SLIT3: variants seen among roughly 807,000 people sequenced by gnomAD.
SLIT3 encodes the protein slit guidance ligand 3, also known as slit homolog 3 protein.
In SLIT3, 68 loss-of-function variants were observed where a neutral mutation model predicts 184.0. The ratio of observed to expected loss-of-function variants is 0.37; its 90% CI spans 0.30 to 0.45. SLIT3 has a LOEUF of 0.45. Ranked by LOEUF, SLIT3 falls within the 20% of genes least tolerant of loss-of-function variation. The pLI is 1.00. For synonymous variants in SLIT3, 831 were observed against 828.6 expected, an observed-to-expected ratio of 1.00 and a Z score of -0.05; for missense variants, 1,707 against 2,026.0, an observed-to-expected ratio of 0.84 and a Z score of 3.02.
intron 9 of SLIT3, among the ~76,000 whole-genome samples, chr5:168,800,942 A>G (rs1328365274): frequency 7.4e-6 from 1 of 135,102 alleles, no homozygotes; most frequent in African/African-American, 2.7e-5. Context: ...TCTTTTTAGT[A>G]GCTTCCAAAC....
chr5:168,877,445 G>T (rs1001959175), intron 5 of SLIT3, among the ~76,000 whole-genome samples: 2 of 152,210 alleles, frequency 1.3e-5, no homozygotes, highest in Non-Finnish European at 2.9e-5. Flanking sequence ...TTCACGTACA[G>T]CCTTGCAGGA....
chr5:169,298,540 G>A (rs1166103180), intron 1 of SLIT3, among the ~76,000 whole-genome samples: 1 of 152,176 alleles, frequency 6.6e-6, no homozygotes, highest in African/African-American at 2.4e-5. Flanking sequence ...ACCCCAAGCA[G>A]CAGACCTAAC....
At chr5:169,042,481 T>G (rs1168365318) in intron 4 of SLIT3, among the ~76,000 whole-genome samples, 1 of 152,226 alleles carries the variant, frequency 6.6e-6, no homozygotes, top group Non-Finnish European at 1.5e-5. Flanking sequence ...TTCTATCAAA[T>G]CCGGTGCCCC....
chr5:168,798,220 C>CTTTTTTT lies in SLIT3; in HGVS notation c.936-2643_936-2642insAAAAAAA, dbSNP rs575178855. ...CTTTTGGTTTTCTTTTCTTCTTCTT[C>CTTTTTTT]TTCTTTTTTTTTTTTTTTTAAGAGA... is the stretch of plus-strand genomic sequence containing the variant. On this transcript the variant is annotated intron_variant, in intron 9 of 35. Transcript: ENST00000519560. Among the ~76,000 whole-genome samples, 139 of 112,248 alleles carry CTTTTTTT rather than the reference C, an allele frequency of 1.2e-3. 12 individuals carry two copies. Among genetic ancestry groups the CTTTTTTT allele is most frequent in the African/African-American group, 4.7e-3 (114 of 24,086 alleles). The allele number at this position is 112,248 out of a possible 152,430, so 73.6% of individuals were successfully genotyped here.
chr5:168,795,394 T>G, intron 10 of SLIT3, 113 bp downstream of exon 10: 2 of 797,414 alleles, frequency 2.5e-6, no homozygotes, highest in East Asian at 2.5e-5. Flanking sequence ...GAAACAGAAC[T>G]GCCCAGGAGG....
intron 4 of SLIT3, among the ~76,000 whole-genome samples, chr5:169,173,201 C>G (rs1235387944): frequency 6.6e-6 from 1 of 152,160 alleles, no homozygotes; most frequent in Non-Finnish European, 1.5e-5. Flanking sequence ...GCGAGGGTTG[C>G]AGTGAGCCAA....
intron 3 of SLIT3, among the ~76,000 whole-genome samples, chr5:169,208,952 A>C (rs1329828304): frequency 1.3e-5 from 2 of 152,240 alleles, no homozygotes; most frequent in African/African-American, 4.8e-5. Flanking sequence ...AAAATTGACA[A>C]ATGGGATCTA....
At chr5:169,030,504 A>G (rs1756990404) in intron 4 of SLIT3, 1 of 152,248 alleles carries the variant, frequency 6.6e-6, no homozygotes, top group Non-Finnish European at 1.5e-5. Flanking sequence ...GATCTATTAT[A>G]GAACACTGTT....
At position 168,711,945 on chromosome 5, in the gene SLIT3, A is replaced by G. The variant is rs141635435; in HGVS notation, c.2555+338T>C. On this transcript the variant is annotated intron_variant, in intron 24 of 35. Transcript: ENST00000519560. ...GGCCCTGCCATCTGCTAGCTGTGCCATGCTTAGACACAATGTTATTATATA... is the reference window on the plus strand; with the variant it reads ...GGCCCTGCCATCTGCTAGCTGTGCCGTGCTTAGACACAATGTTATTATATA... Among the ~76,000 whole-genome samples the G allele has an allele frequency of 2.4e-3, 360 of 152,352 alleles. 2 individuals carry two copies. Among genetic ancestry groups the G allele is most frequent in the Non-Finnish European group, 3.7e-3 (249 of 68,042 alleles).
At chr5:168,896,027 CA>C (rs1369476552) in intron 4 of SLIT3, among the ~76,000 whole-genome samples, 1 of 152,196 alleles carries the variant, frequency 6.6e-6, no homozygotes, top group African/African-American at 2.4e-5. Flanking sequence ...AAAGGACCTC[CA>C]AGGTAGGAGG....
chr5:169,204,734 T>C (rs1269286194), intron 3 of SLIT3, among the ~76,000 whole-genome samples: 1 of 152,124 alleles, frequency 6.6e-6, no homozygotes, highest in African/African-American at 2.4e-5. Flanking sequence ...TCTGACCACT[T>C]CTGTTTCCTC....
chr5:168,905,913 A>G (rs903593851), intron 4 of SLIT3, among the ~76,000 whole-genome samples: 1 of 152,198 alleles, frequency 6.6e-6, no homozygotes, highest in African/African-American at 2.4e-5. Flanking sequence ...TAATATTACC[A>G]ATCATTCTGG....
intron 4 of SLIT3, among the ~76,000 whole-genome samples, chr5:169,159,350 C>T (rs557408988): frequency 2.4e-4 from 37 of 152,144 alleles, no homozygotes; most frequent in Admixed American, 7.9e-4. Context: ...GGCTTGAACC[C>T]GGGAGGTAGA....
intron 1 of SLIT3, among the ~76,000 whole-genome samples, chr5:169,291,081 G>A (rs1037625942): frequency 2.0e-5 from 3 of 152,132 alleles, no homozygotes; most frequent in Non-Finnish European, 4.4e-5. Context: ...TAGGACAAGA[G>A]AAGAGGAGTC....
Position 168,904,040 on chromosome 5 carries a change from T to C in SLIT3, c.414-20704A>G, listed in dbSNP as rs139458119. Among the ~76,000 whole-genome samples, 804 of 152,106 alleles carry C rather than the reference T, an allele frequency of 5.3e-3. 6 individuals are homozygous for C. The highest frequency in any genetic ancestry group is 0.019 in the African/African-American group (778 of 41,430). The stretch of plus-strand genomic sequence containing the variant: ...ATTTACTACTGTGGAGGCTGAGGCA[T>C]GAGGTAAATACCTTGTGTGAGGCAC... On this transcript the variant is annotated intron_variant, in intron 4 of 35. Transcript: ENST00000519560.
intron 34 of SLIT3, 124 bp from the exon 35 acceptor site, chr5:168,670,115 GT>G: frequency 2.6e-6 from 2 of 770,710 alleles, no homozygotes; most frequent in South Asian, 3.3e-5. Flanking sequence ...AGCTTTCTCT[GT>G]TTCCTAGGCT....
intron 4 of SLIT3, among the ~76,000 whole-genome samples, chr5:169,064,005 G>A (rs1758265446): frequency 6.6e-6 from 1 of 152,140 alleles, no homozygotes; most frequent in Admixed American, 6.5e-5. Context: ...ATCTATACCG[G>A]GAGTAGTTGG....
In SLIT3 at chr5:168,785,816, A is replaced by C. The variant is rs960759500; in HGVS notation, c.1151+91T>G. ...TTTTCTCTTTTGTCTGCAGAAAGTC[A>C]AAAGAACTCTCCAGAGCATGGCTCA... On this transcript the variant is annotated intron_variant, in intron 12 of 35. Transcript: ENST00000519560. The C allele has an allele frequency of 5.4e-6, 5 of 918,598 alleles. No homozygotes were observed. In the African/African-American group the frequency reaches 8.3e-5, roughly 15 times the overall value. 56.9% of individuals were successfully genotyped at this position (918,598 alleles called of 1,614,324 possible).
chr5:168,949,977 T>C (rs187919487), intron 4 of SLIT3, among the ~76,000 whole-genome samples: 2 of 152,192 alleles, frequency 1.3e-5, no homozygotes, highest in African/African-American at 4.8e-5. Context: ...GAAAGTTCCT[T>C]AAACCACTGA....
Sources: allele counts gnomAD v4.1 joint callset (sites outside exome capture counted in the v4.1 genomes callset), GRCh38; gene constraint gnomAD v4.1.1; transcripts MANE v1.5; gene names NCBI Gene and HGNC (gene_info 2026-07-23, HGNC 2026-07-21).